The following SH3GL2 variants were observed in gnomAD, a reference collection of about 807,000 sequenced individuals.
SH3GL2 encodes the protein endophilin-A1.
A neutral mutation model predicts 46.0 loss-of-function variants in SH3GL2; 24 were observed. The observed-to-expected ratio is 0.52, with a 90% CI of 0.38 to 0.73. The LOEUF (loss-of-function observed/expected upper bound fraction) is 0.73, where lower values mean the gene tolerates loss of function less well. Ranked by LOEUF, SH3GL2 falls within the 30% of genes least tolerant of loss-of-function variation. The pLI is 0.00. For synonymous variants in SH3GL2, 196 were observed against 147.1 expected, an observed-to-expected ratio of 1.33 and a Z score of -2.40; for missense variants, 413 against 424.2, an observed-to-expected ratio of 0.97 and a Z score of 0.23.
intron 2 of SH3GL2, among the ~76,000 whole-genome samples, chr9:17,750,204 G>T (rs991506162): frequency 6.6e-6 from 1 of 151,828 alleles, no homozygotes; most frequent in African/African-American, 2.4e-5. Context: ...TCACACAAAT[G>T]TTTGAGCTCA....
chr9:17,650,397 A>T (rs1174266083), intron 1 of SH3GL2, among the ~76,000 whole-genome samples: 1 of 152,078 alleles, frequency 6.6e-6, no homozygotes, highest in Non-Finnish European at 1.5e-5. Flanking sequence ...TTTAAGACGG[A>T]GTCTCGCTCT....
chr9:17,640,507 C>T (rs1819653124), intron 1 of SH3GL2, among the ~76,000 whole-genome samples: 1 of 151,968 alleles, frequency 6.6e-6, no homozygotes, highest in Admixed American at 6.5e-5. Context: ...TAAAGAAAAC[C>T]AACAACGTTG....
chr9:17,765,912 C>T (rs1236275158), intron 3 of SH3GL2, among the ~76,000 whole-genome samples: 1 of 152,250 alleles, frequency 6.6e-6, no homozygotes, highest in Non-Finnish European at 1.5e-5. Context: ...TTATGAAGCA[C>T]AGTTGACTGT....
chr9:17,672,457 A>G (rs1820498270), intron 1 of SH3GL2, among the ~76,000 whole-genome samples: 1 of 152,186 alleles, frequency 6.6e-6, no homozygotes, highest in Non-Finnish European at 1.5e-5. Context: ...ATTTTCTTAG[A>G]AAAAGAGCCC....
chr9:17,644,813 G>C (rs1235080764), intron 1 of SH3GL2, among the ~76,000 whole-genome samples: 1 of 152,116 alleles, frequency 6.6e-6, no homozygotes. Context: ...GTTTGGGGTG[G>C]AGAGTTCTGT....
At chr9:17,680,378 A>G (rs187997807) in intron 1 of SH3GL2, among the ~76,000 whole-genome samples, 197 of 152,228 alleles carry the variant, frequency 1.3e-3, no homozygotes, top group African/African-American at 4.5e-3. Context: ...GTGTCCAGGA[A>G]TTTATTCATT....
intron 1 of SH3GL2, among the ~76,000 whole-genome samples, chr9:17,609,958 A>C (rs1818829636): frequency 6.6e-6 from 1 of 152,182 alleles, no homozygotes; most frequent in Admixed American, 6.5e-5. Context: ...GGAACATTTT[A>C]ATACAAGTGT....
At chr9:17,690,261 C>T (rs186468867) in intron 1 of SH3GL2, among the ~76,000 whole-genome samples, 105 of 152,232 alleles carry the variant, frequency 6.9e-4, no homozygotes, top group African/African-American at 2.5e-3. Context: ...TGCTTTGGAC[C>T]TGTCCTTTTA....
chr9:17,631,911 T>C (rs1471650018), intron 1 of SH3GL2, among the ~76,000 whole-genome samples: 1 of 152,206 alleles, frequency 6.6e-6, no homozygotes, highest in Non-Finnish European at 1.5e-5. Context: ...CAATACTTTG[T>C]TATGGTTTTG....
At chr9:17,791,474 G>T (rs913559117) in intron 7 of SH3GL2, 140 bp downstream of exon 7, 1 of 632,208 alleles carries the variant, frequency 1.6e-6, no homozygotes, top group Non-Finnish European at 2.8e-6. Context: ...CTTGTGGATT[G>T]TTTTGATTTT....
intron 1 of SH3GL2, among the ~76,000 whole-genome samples, chr9:17,675,713 G>A (rs1453967345): frequency 6.6e-6 from 1 of 152,178 alleles, no homozygotes; most frequent in Non-Finnish European, 1.5e-5. Context: ...CTGAGAGGCC[G>A]AGGCGGGAGG....
intron 3 of SH3GL2, among the ~76,000 whole-genome samples, chr9:17,783,696 A>C (rs912760654): frequency 6.6e-6 from 1 of 152,142 alleles, no homozygotes; most frequent in Non-Finnish European, 1.5e-5. Context: ...CCTTTTGGGA[A>C]TAGGTCAGCC....
chr9:17,619,275 C>A (rs569520398), intron 1 of SH3GL2, among the ~76,000 whole-genome samples: 9 of 152,150 alleles, frequency 5.9e-5, no homozygotes, highest in Non-Finnish European at 1.3e-4. Flanking sequence ...GATGTATTTC[C>A]TTATAGCCTT....
chr9:17,616,591 G>C (rs919091189), intron 1 of SH3GL2, among the ~76,000 whole-genome samples: 1 of 152,058 alleles, frequency 6.6e-6, no homozygotes, highest in Non-Finnish European at 1.5e-5. Flanking sequence ...ATATAGCAAA[G>C]CAAATAACTA....
chr9:17,637,067 C>G (rs1234131450), intron 1 of SH3GL2, among the ~76,000 whole-genome samples: 1 of 152,182 alleles, frequency 6.6e-6, no homozygotes, highest in East Asian at 1.9e-4. Flanking sequence ...GTATTTATGA[C>G]TCAGATGGTC....
At chr9:17,712,327 A>G (rs1821647946) in intron 1 of SH3GL2, among the ~76,000 whole-genome samples, 1 of 151,800 alleles carries the variant, frequency 6.6e-6, no homozygotes, top group South Asian at 2.1e-4. Context: ...AATCTAGTTC[A>G]TCTAATTTTT....
intron 1 of SH3GL2, among the ~76,000 whole-genome samples, chr9:17,638,167 C>CA (rs970876402): frequency 3.6e-5 from 5 of 137,778 alleles, no homozygotes; most frequent in African/African-American, 8.1e-5. Flanking sequence ...AAAAAAAAAA[C>CA]AAAAAAACAA....
intron 1 of SH3GL2, among the ~76,000 whole-genome samples, chr9:17,658,694 G>C (rs1820146591): frequency 6.6e-6 from 1 of 152,188 alleles, no homozygotes; most frequent in East Asian, 1.9e-4. Flanking sequence ...ATTGGGAGGA[G>C]AGCTGTTAGA....
At chr9:17,783,988 C>G (rs1823884825) in intron 3 of SH3GL2, among the ~76,000 whole-genome samples, 1 of 152,032 alleles carries the variant, frequency 6.6e-6, no homozygotes, top group Non-Finnish European at 1.5e-5. Flanking sequence ...ATTATGTTAA[C>G]ATTTAAAGAT....
Sources: allele counts gnomAD v4.1 joint callset (sites outside exome capture counted in the v4.1 genomes callset), GRCh38; gene constraint gnomAD v4.1.1; transcripts MANE v1.5; gene names NCBI Gene and HGNC (gene_info 2026-07-23, HGNC 2026-07-21).